The following SLC24A2 variants were observed in gnomAD, a reference collection of about 807,000 sequenced individuals.
SLC24A2 encodes the protein sodium/potassium/calcium exchanger 2.
SLC24A2 carries 36 observed loss-of-function variants against 62.0 expected under a neutral mutation model. The ratio of observed to expected loss-of-function variants is 0.58; its 90% CI spans 0.44 to 0.77. The LOEUF is 0.77. Ranked by LOEUF, SLC24A2 falls within the 30% of genes least tolerant of loss-of-function variation. The pLI, the probability that SLC24A2 is intolerant of heterozygous loss-of-function variation, is 0.00. For synonymous variants in SLC24A2, 358 were observed against 294.0 expected, an observed-to-expected ratio of 1.22 and a Z score of -2.23; for missense variants, 846 against 817.9, an observed-to-expected ratio of 1.03 and a Z score of -0.42.
At chr9:20,024,685 T>C in the SLC24A2 span, among the ~76,000 whole-genome samples, 2 of 152,196 alleles carry the variant, frequency 1.3e-5, no homozygotes, top group Admixed American at 1.3e-4. Flanking sequence ...TGTTCACTTG[T>C]GTGTGCGTGT....
At chr9:19,610,915 G>A (rs1367240876) in intron 4 of SLC24A2, among the ~76,000 whole-genome samples, 2 of 152,252 alleles carry the variant, frequency 1.3e-5, no homozygotes, top group African/African-American at 4.8e-5. Context: ...ACTAGGGATA[G>A]AGCCAAGCCT....
At chr9:20,264,004 T>C in the SLC24A2 span, among the ~76,000 whole-genome samples, 11 of 152,170 alleles carry the variant, frequency 7.2e-5, no homozygotes. Flanking sequence ...GGCCCACGTA[T>C]CTGGAATAAT....
the SLC24A2 span, among the ~76,000 whole-genome samples, chr9:19,849,664 A>G: frequency 6.6e-6 from 1 of 152,260 alleles, no homozygotes; most frequent in Non-Finnish European, 1.5e-5. Context: ...TGTAGGCTAT[A>G]GCCTAGAAAT....
At chr9:19,850,979 A>G in the SLC24A2 span, among the ~76,000 whole-genome samples, 1 of 42,980 alleles carries the variant, frequency 2.3e-5, no homozygotes, top group African/African-American at 1.0e-4. Context: ...ATATATATAT[A>G]TATATGTATA....
the SLC24A2 span, among the ~76,000 whole-genome samples, chr9:20,227,694 G>A: frequency 6.6e-6 from 1 of 151,974 alleles, no homozygotes; most frequent in African/African-American, 2.4e-5. Flanking sequence ...GAACAGTCTA[G>A]GCAGCCAACT....
the SLC24A2 span, among the ~76,000 whole-genome samples, chr9:20,030,409 C>T: frequency 4.6e-5 from 7 of 152,160 alleles, no homozygotes; most frequent in Non-Finnish European, 1.0e-4. Context: ...CGAGCTCCTC[C>T]TGTACAACCA....
chr9:19,596,188 C>A (rs1227530097), intron 5 of SLC24A2, among the ~76,000 whole-genome samples: 1 of 152,126 alleles, frequency 6.6e-6, no homozygotes, highest in Admixed American at 6.6e-5. Flanking sequence ...TTCTTGCATG[C>A]AAAGCAACTA....
chr9:20,048,906 TTTTA>T, the SLC24A2 span, among the ~76,000 whole-genome samples: 9 of 151,558 alleles, frequency 5.9e-5, no homozygotes, highest in South Asian at 2.1e-4. Context: ...TTTTTTTCCT[TTTTA>T]TTTATTTATG....
chr9:19,684,904 C>T (rs944992745), intron 2 of SLC24A2, among the ~76,000 whole-genome samples: 1 of 152,024 alleles, frequency 6.6e-6, no homozygotes, highest in African/African-American at 2.4e-5. Context: ...GACAGGAACT[C>T]AAACTATCTT....
chr9:19,834,381 G>C, the SLC24A2 span, among the ~76,000 whole-genome samples: 1 of 152,138 alleles, frequency 6.6e-6, no homozygotes, highest in Non-Finnish European at 1.5e-5. Context: ...AGTCCTTAAA[G>C]GACCTGATGG....
chr9:19,550,929 G>T (rs1435084776), intron 7 of SLC24A2, among the ~76,000 whole-genome samples: 1 of 152,152 alleles, frequency 6.6e-6, no homozygotes, highest in South Asian at 2.1e-4. Context: ...TCAAGTCAGG[G>T]TATTTGGGGC....
the SLC24A2 span, among the ~76,000 whole-genome samples, chr9:20,135,547 T>C: frequency 1.3e-5 from 2 of 152,084 alleles, no homozygotes; most frequent in Admixed American, 1.3e-4. Flanking sequence ...CACGAGGTCA[T>C]TGTAAGTATT....
At chr9:20,160,140 A>C in the SLC24A2 span, among the ~76,000 whole-genome samples, 1 of 151,486 alleles carries the variant, frequency 6.6e-6, no homozygotes, top group African/African-American at 2.4e-5. Flanking sequence ...CTGAGGTTGC[A>C]ATCTTAATAT....
the SLC24A2 span, among the ~76,000 whole-genome samples, chr9:20,009,701 G>A: frequency 1.3e-5 from 2 of 152,152 alleles, no homozygotes; most frequent in African/African-American, 2.4e-5. Flanking sequence ...ACCCAACTAA[G>A]CCCTGGTTCT....
intron 2 of SLC24A2, among the ~76,000 whole-genome samples, chr9:19,738,942 T>C (rs1010434769): frequency 8.6e-5 from 13 of 151,864 alleles, no homozygotes; most frequent in Non-Finnish European, 1.5e-4. Context: ...TATGGTGAAA[T>C]CCCACCTCTA....
the SLC24A2 span, among the ~76,000 whole-genome samples, chr9:19,897,306 T>G: frequency 6.6e-6 from 1 of 152,190 alleles, no homozygotes; most frequent in Non-Finnish European, 1.5e-5. Flanking sequence ...AACATGTTGT[T>G]TTTCATATTT....
the SLC24A2 span, among the ~76,000 whole-genome samples, chr9:20,138,991 AC>A: frequency 6.6e-6 from 1 of 151,772 alleles, no homozygotes. Flanking sequence ...ATCTGTTCTC[AC>A]CCCCACTCCT....
chr9:19,751,565 CTT>C (rs766704990), intron 2 of SLC24A2, among the ~76,000 whole-genome samples: 3 of 152,116 alleles, frequency 2.0e-5, no homozygotes, highest in Non-Finnish European at 2.9e-5. Flanking sequence ...TCCTAAGAAA[CTT>C]CAGCCAATGC....
the SLC24A2 span, among the ~76,000 whole-genome samples, chr9:20,138,415 T>G: frequency 1.3e-5 from 2 of 152,230 alleles, no homozygotes; most frequent in East Asian, 3.8e-4. Context: ...ACTTATTACT[T>G]TTCTAGAAAC....
Sources: allele counts gnomAD v4.1 joint callset (sites outside exome capture counted in the v4.1 genomes callset), GRCh38; gene constraint gnomAD v4.1.1; transcripts MANE v1.5; gene names NCBI Gene and HGNC (gene_info 2026-07-23, HGNC 2026-07-21).